Variants in EP400 observed in about 807,000 individuals in gnomAD.
EP400 encodes E1A binding protein p400.
Under a neutral mutation model 354.1 loss-of-function variants are expected in EP400, and 105 were observed. The observed-to-expected ratio is 0.30, with a 90% CI of 0.25 to 0.35. EP400 has a LOEUF of 0.35. EP400 is among the 10% of genes least tolerant of loss of function. The pLI is 1.00. For missense variants in EP400, 3,280 were observed against 4,121.0 expected, an observed-to-expected ratio of 0.80 and a Z score of 5.59; for synonymous variants, 1,646 against 1,716.9, an observed-to-expected ratio of 0.96 and a Z score of 1.02.
intron 2 of EP400, among the ~76,000 whole-genome samples, chr12:131,978,649 G>A (rs571098033): frequency 6.6e-6 from 1 of 152,072 alleles, no homozygotes; most frequent in South Asian, 2.1e-4. Context: ...AGGACTACAG[G>A]CATGTGTCAC....
At chr12:132,016,120 C>CT (rs1428638997) in intron 19 of EP400, among the ~76,000 whole-genome samples, 1 of 152,236 alleles carries the variant, frequency 6.6e-6, no homozygotes, top group African/African-American at 2.4e-5. Flanking sequence ...CTCAGCCATT[C>CT]TTTTTGAAGC....
Position 131,990,536 on chromosome 12 carries a change from G to A in EP400, c.2551-100G>A, listed in dbSNP as rs1005555477. The A allele has an allele frequency of 3.3e-6, 3 of 898,528 alleles. No homozygotes were observed. The highest frequency in any genetic ancestry group is 3.3e-5 in the African/African-American group (2 of 59,800). The allele number at this position is 898,528 out of a possible 1,614,324, so 55.7% of individuals were successfully genotyped here. A position where few individuals can be genotyped will look rare whatever the true frequency, so the allele number is the denominator to read the frequency against. On this transcript the variant is annotated intron_variant, in intron 8 of 52. Coordinates refer to ENST00000389561, the MANE Select transcript of EP400 (RefSeq NM_015409.5). The surrounding 1 kb of genome is among the most constrained non-coding windows in gnomAD (Gnocchi z 4.2). ...CAAACTGACGAGGCTGGAAAACACT[G>A]TTTTCAGACTCTGCTTATGTGCTTT...
At chr12:131,991,090 T>C (rs1250651305) in intron 9 of EP400, among the ~76,000 whole-genome samples, 1 of 152,152 alleles carries the variant, frequency 6.6e-6, no homozygotes, top group Non-Finnish European at 1.5e-5. Context: ...GCCACTCCAC[T>C]TAGGATGTGC....
Position 132,055,181 on chromosome 12 carries a change from G to A in EP400, c.7857G>A (p.Ala2619=), listed in dbSNP as rs566299572. The change falls in exon 45 of 53, where the codon GCG becomes GCA. Residue 2619 remains alanine (A), a synonymous_variant. Transcript: ENST00000389561. ...TCCAGTCCATCAACAAGCGCCTGGC[G>A]TCGCCAGTGGCTCCTGGGGCCTTGA... The part of the protein sequence containing the change: ...ATFQSINKRL[A]SPVAPGALTT... The A allele has an allele frequency of 3.5e-5, 55 of 1,577,254 alleles. No individual in the cohort carries two copies. The African/African-American group carries it at 3.9e-4, about 11-fold the overall frequency.
Position 131,961,673 on chromosome 12 carries a change from G to C in EP400, c.1054G>C (p.Glu352Gln). 1 of 1,612,942 alleles carries C rather than the reference G, an allele frequency of 6.2e-7. No homozygotes were observed. Among genetic ancestry groups the C allele is most frequent in the Non-Finnish European group, 8.5e-7 (1 of 1,179,368 alleles). ...AATGAAGAAGGTTCCCAAGAAGTTA[G>C]AGGAGATTCCCCCAGCCTCTCCGGA... ...TGMKKVPKKL[E>Q]EIPPASPEMA... Residue 352 changes from glutamate (E) to glutamine (Q), a missense_variant, in exon 2 of 53, where the codon GAG becomes CAG. Coordinates refer to ENST00000389561, the MANE Select transcript of EP400 (RefSeq NM_015409.5).
In EP400 at chr12:131,982,645, A is replaced by G. The variant is rs554224996; in HGVS notation, c.1929+167A>G. On this transcript the variant is annotated intron_variant, in intron 5 of 52. Transcript: ENST00000389561. ...AATTCAGTACTTGCAATACAGTTTT[A>G]TTTGGCTCTATGATATTATCTTTAT... 2.0e-5 allele frequency among the ~76,000 whole-genome samples: 3 copies of G among 152,300 alleles called. No homozygotes were observed. In the East Asian group the frequency reaches 5.8e-4, roughly 29 times the overall value.
chr12:131,977,481 T>C (rs1892524411), intron 2 of EP400, among the ~76,000 whole-genome samples: 2 of 151,800 alleles, frequency 1.3e-5, no homozygotes, highest in African/African-American at 2.4e-5. Flanking sequence ...TGGCCATTAC[T>C]GGACACGGAG....
chr12:131,991,563 CTTCCT>C, intron 10 of EP400, 107 bp downstream of exon 10: 2 of 913,730 alleles, frequency 2.2e-6, no homozygotes, highest in Non-Finnish European at 3.4e-6. Context: ...GTGACTATTA[CTTCCT>C]TTCTTTTCTT....
At chr12:132,000,287 A>G (rs1241210280) in intron 12 of EP400, among the ~76,000 whole-genome samples, 2 of 152,134 alleles carry the variant, frequency 1.3e-5, no homozygotes, top group Non-Finnish European at 2.9e-5. Context: ...TTTTCAATAT[A>G]TATTTTTATT....
chr12:131,982,038 G>A, intron 4 of EP400, 55 bp from the exon 5 acceptor site: 1 of 1,496,912 alleles, frequency 6.7e-7, no homozygotes, highest in Non-Finnish European at 8.8e-7. Context: ...TGACTCATTG[G>A]TAGAAGCTGC....
chr12:132,059,538 C>A (rs975710936), intron 45 of EP400, among the ~76,000 whole-genome samples: 4 of 152,188 alleles, frequency 2.6e-5, no homozygotes, highest in Non-Finnish European at 5.9e-5. Flanking sequence ...GAGGATTGTG[C>A]TTTCTTGACT....
At chr12:132,061,874 C>T (rs374404476) in intron 45 of EP400, among the ~76,000 whole-genome samples, 49 of 152,352 alleles carry the variant, frequency 3.2e-4, no homozygotes, top group African/African-American at 1.0e-3. Flanking sequence ...ACGGGCGTGC[C>T]GCCATCTGAA....
At chr12:132,024,416 T>C (rs1029588824) in intron 24 of EP400, among the ~76,000 whole-genome samples, 1 of 152,180 alleles carries the variant, frequency 6.6e-6, no homozygotes, top group East Asian at 1.9e-4. Flanking sequence ...CTTTCTAATA[T>C]AGGTGTGAGA....
At chr12:132,055,633 A>G (rs1414607886) in intron 45 of EP400, among the ~76,000 whole-genome samples, 2 of 41,560 alleles carry the variant, frequency 4.8e-5, no homozygotes, top group Admixed American at 3.9e-4. Flanking sequence ...TGTGTGTGTG[A>G]GGTGTAGGGG....
chr12:132,064,984 G>C, intron 48 of EP400, 98 bp downstream of exon 48: 3 of 1,494,102 alleles, frequency 2.0e-6, no homozygotes, highest in Non-Finnish European at 2.7e-6. Flanking sequence ...TGTTACAGGA[G>C]TGAGTGTGAG....
chr12:131,952,674 A>G (rs73474191), intron 1 of EP400, among the ~76,000 whole-genome samples: 11,507 of 152,150 alleles, frequency 0.076, 516 homozygotes, highest in Middle Eastern at 0.12. Flanking sequence ...CTTGTCTTGA[A>G]TTCTTGGACT....
rs757167643 is a variant in EP400 at position 132,020,193 on chromosome 12, G to C, written c.4422G>C (p.Thr1474=). Residue 1474 remains threonine, a synonymous_variant, in exon 22 of 53, where the codon ACG becomes ACC. Transcript: ENST00000389561. ...TTCGAGGACGGCCGCCCATCGCCACGTTCTCTGCCAATCCGGAGGCAAAAG... is the reference window on the plus strand; with the variant it reads ...TTCGAGGACGGCCGCCCATCGCCACCTTCTCTGCCAATCCGGAGGCAAAAG... ...GPLRGRPPIA[T]FSANPEAKAA... The C allele has an allele frequency of 6.2e-7, 1 of 1,608,740 alleles. No homozygotes were observed. Among genetic ancestry groups the C allele is most frequent in the East Asian group, 2.2e-5 (1 of 44,490 alleles).
chr12:131,998,812 C>G (rs1353232902), intron 12 of EP400, among the ~76,000 whole-genome samples: 1 of 17,820 alleles, frequency 5.6e-5, no homozygotes, highest in African/African-American at 2.0e-4. Context: ...TGTATACAGT[C>G]TTGTATACAA....
Position 132,066,621 on chromosome 12 carries a change from C to G in EP400, c.8554-153C>G. The stretch of plus-strand genomic sequence containing the variant: ...TGACTTGACATTTCCCTGCGGCGTG[C>G]AGATCTCTCAGTTTTCCTTTCCTGT... On this transcript the variant is annotated intron_variant, in intron 48 of 52. Coordinates refer to ENST00000389561, the MANE Select transcript of EP400 (RefSeq NM_015409.5). The G allele has an allele frequency of 5.2e-6, 4 of 770,068 alleles. No homozygotes were observed. The South Asian group carries it at 6.1e-5, about 12-fold the overall frequency. The allele number at this position is 770,068 out of a possible 1,614,324, so 47.7% of individuals were successfully genotyped here.
Sources: allele counts gnomAD v4.1 joint callset (sites outside exome capture counted in the v4.1 genomes callset), GRCh38; gene constraint gnomAD v4.1.1; non-coding constraint Gnocchi (gnomAD v3.1); transcripts MANE v1.5; gene names NCBI Gene and HGNC (gene_info 2026-07-23, HGNC 2026-07-21).